Variants in CHD9 observed in about 807,000 individuals in gnomAD.
CHD9 encodes chromodomain helicase DNA binding protein 9, also known as ATP-dependent chromatin remodeler CHD9.
In CHD9, 77 loss-of-function variants were observed where a neutral mutation model predicts 316.1. The observed-to-expected ratio is 0.24, with a 90% CI of 0.20 to 0.29. The LOEUF (loss-of-function observed/expected upper bound fraction) is 0.29, where lower values mean the gene tolerates loss of function less well. Among genes scored for constraint, CHD9 ranks in the 10% least tolerant of loss-of-function variants. The pLI is 1.00. For missense variants in CHD9, 2,763 were observed against 3,438.1 expected (o/e 0.80, Z 4.91); for synonymous variants, 1,129 against 1,158.3 (o/e 0.97, Z 0.51).
intron 2 of CHD9, among the ~76,000 whole-genome samples, chr16:53,178,994 G>T (rs901955877): frequency 1.4e-4 from 22 of 151,802 alleles, no homozygotes; most frequent in Non-Finnish European, 3.1e-4. Context: ...CTGCATTCTA[G>T]CCTGGGCAAC....
chr16:53,208,042 T>C, intron 2 of CHD9: 2 of 994,704 alleles, frequency 2.0e-6, no homozygotes, highest in Non-Finnish European at 2.4e-6. Context: ...CTGTGCTTTG[T>C]TGGAATCTGG....
intron 1 of CHD9, among the ~76,000 whole-genome samples, chr16:53,152,226 G>A (rs773344063): frequency 1.3e-5 from 2 of 152,144 alleles, no homozygotes; most frequent in Non-Finnish European, 2.9e-5. Flanking sequence ...TATTACTTAG[G>A]TTTGTGTTTA....
At chr16:53,305,101 G>A (rs140648919) in intron 31 of CHD9, among the ~76,000 whole-genome samples, 60 of 151,896 alleles carry the variant, frequency 4.0e-4, no homozygotes, top group East Asian at 2.7e-3. Flanking sequence ...TCGCTCTGTC[G>A]CCCAGGCTGG....
In CHD9 at chr16:53,127,724, C is replaced by G. The variant is rs1411885114; in HGVS notation, c.-164-28202C>G. On this transcript the variant is annotated intron_variant, in intron 1 of 38. Coordinates refer to ENST00000447540, the MANE Select transcript of CHD9 (RefSeq NM_001308319.2). The stretch of plus-strand genomic sequence containing the variant: ...TCATTTGAGGTCAGGAGTTCAAGAC[C>G]AGCCTGGCCAACATGGTGAAACCCC... Among the ~76,000 whole-genome samples, 3 of 151,956 alleles carry G rather than the reference C, an allele frequency of 2.0e-5. No individual in the cohort carries two copies. The East Asian group carries it at 5.8e-4, about 29-fold the overall frequency.
At chr16:53,222,034 T>C (rs2047283804) in intron 3 of CHD9, among the ~76,000 whole-genome samples, 3 of 151,984 alleles carry the variant, frequency 2.0e-5, no homozygotes, top group African/African-American at 7.2e-5. Context: ...TTTTTTTTTT[T>C]ACCTGCTAAA....
In CHD9 at chr16:53,249,906, G is replaced by A; in HGVS notation, c.3701G>A (p.Gly1234Glu). 1 of 1,613,754 alleles carries A rather than the reference G, an allele frequency of 6.2e-7. No individual in the cohort carries two copies. The highest frequency in any genetic ancestry group is 8.5e-7 in the Non-Finnish European group (1 of 1,179,758). ...LYERIDGRVR[G>E]NLRQAAIDRF... ...GAGCGAATTGATGGCAGAGTCAGAG[G>A]AAATCTTCGGCAAGCTGCTATAGAT... The change falls in exon 17 of 39, where the codon GGA becomes GAA. Residue 1234 changes from glycine to glutamate, a missense_variant. By Grantham distance (98) the Gly-to-Glu change is moderately conservative. Around this residue, in one of 15 missense-constraint regions of CHD9, gnomAD observed 39 missense variants for 40.4 expected, o/e 0.97. Transcript: ENST00000447540.
At chr16:53,082,923 C>T (rs138840871) in intron 1 of CHD9, among the ~76,000 whole-genome samples, 1 of 152,196 alleles carries the variant, frequency 6.6e-6, no homozygotes, top group Non-Finnish European at 1.5e-5. Flanking sequence ...GAGTGCTCAC[C>T]CTGCTGAACT....
chr16:53,312,483 A>G (rs1289882343), intron 34 of CHD9, among the ~76,000 whole-genome samples: 1 of 152,202 alleles, frequency 6.6e-6, no homozygotes, highest in Non-Finnish European at 1.5e-5. Context: ...AGAAGGGGTA[A>G]AAGAAGGGCA....
intron 1 of CHD9, among the ~76,000 whole-genome samples, chr16:53,123,380 C>T (rs2038831728): frequency 6.6e-6 from 1 of 152,086 alleles, no homozygotes. Context: ...CAGTCCTAGG[C>T]AACCACTAAT....
chr16:53,126,454 T>C (rs2038972425), intron 1 of CHD9, among the ~76,000 whole-genome samples: 1 of 152,236 alleles, frequency 6.6e-6, no homozygotes, highest in African/African-American at 2.4e-5. Flanking sequence ...TTGATTATTA[T>C]ACCTTTGTAT....
chr16:53,255,901 A>G, intron 19 of CHD9, 122 bp downstream of exon 19: 1 of 879,742 alleles, frequency 1.1e-6, no homozygotes, highest in Non-Finnish European at 1.7e-6. Flanking sequence ...TGCAGTAGGT[A>G]ATGTATTTTC....
intron 2 of CHD9, among the ~76,000 whole-genome samples, chr16:53,181,161 C>T (rs1047450150): frequency 6.6e-6 from 1 of 152,092 alleles, no homozygotes; most frequent in African/African-American, 2.4e-5. Flanking sequence ...CAGGCATGTG[C>T]CACCACGCCT....
chr16:53,232,358 C>T (rs1268442465), intron 10 of CHD9, among the ~76,000 whole-genome samples: 1 of 152,062 alleles, frequency 6.6e-6, no homozygotes, highest in Non-Finnish European at 1.5e-5. Context: ...ATAAGTGATT[C>T]TCAGTCAAAG....
chr16:53,270,093 C>T (rs1424183805), intron 22 of CHD9, among the ~76,000 whole-genome samples: 1 of 151,792 alleles, frequency 6.6e-6, no homozygotes, highest in Non-Finnish European at 1.5e-5. Flanking sequence ...CAGCCTCAAA[C>T]TCCTGGGCTC....
In CHD9 at chr16:53,324,197, G is replaced by C. The variant is rs1342789343; in HGVS notation, c.7996G>C (p.Gly2666Arg). 6.2e-7 allele frequency: 1 copy of C among 1,614,020 alleles called. No homozygotes were observed. The highest frequency in any genetic ancestry group is 8.5e-7 in the Non-Finnish European group (1 of 1,179,900). Residue 2666 changes from glycine (G) to arginine (R), a missense_variant, in exon 39 of 39, where the codon GGT (glycine) becomes CGT (arginine). By Grantham distance (125) the Gly-to-Arg change is moderately radical. Coordinates refer to ENST00000447540, the MANE Select transcript of CHD9 (RefSeq NM_001308319.2). Reference protein sequence around the residue: ...NPLLANGLLPGVDLTTLQALQ... With the variant: ...NPLLANGLLPRVDLTTLQALQ... ...TTTGTTAGCCAATGGACTACTTCCA[G>C]GTGTGGATCTCACAACTCTTCAGGC...
intron 2 of CHD9, among the ~76,000 whole-genome samples, chr16:53,177,339 G>A (rs530620899): frequency 5.6e-4 from 85 of 152,246 alleles, no homozygotes; most frequent in African/African-American, 1.7e-3. Flanking sequence ...ACCCAGATTT[G>A]AGAAAAGTAG....
intron 2 of CHD9, among the ~76,000 whole-genome samples, chr16:53,172,608 A>T (rs996035014): frequency 6.6e-6 from 1 of 152,132 alleles, no homozygotes; most frequent in Non-Finnish European, 1.5e-5. Flanking sequence ...TTCTAAAGAG[A>T]TTGTACCATT....
Position 53,254,422 on chromosome 16 carries a change from CTT to C in CHD9, c.3862-13_3862-12del, listed in dbSNP as rs1262095492. 1.3e-6 allele frequency: 2 copies of C among 1,523,558 alleles called. No homozygotes were observed. Among genetic ancestry groups the C allele is most frequent in the Non-Finnish European group, 1.8e-6 (2 of 1,129,186 alleles). 94.4% of individuals were successfully genotyped at this position (1,523,558 alleles called of 1,614,324 possible). A position where few individuals can be genotyped will look rare whatever the true frequency, so the allele number is the denominator to read the frequency against. ...TTTGAGAAACTAATTAAATATGTAA[CTT>C]TTCATTTTTATAGGCCCAAGCTCGT... On this transcript the variant is annotated splice_polypyrimidine_tract_variant and intron_variant, in intron 17 of 38. Coordinates refer to ENST00000447540, the MANE Select transcript of CHD9 (RefSeq NM_001308319.2).
intron 2 of CHD9, among the ~76,000 whole-genome samples, chr16:53,181,468 C>CA (rs2043515241): frequency 6.6e-6 from 1 of 151,790 alleles, no homozygotes; most frequent in Non-Finnish European, 1.5e-5. Context: ...TATACTTAAG[C>CA]AAAAATTAGA....
Sources: gnomAD v4.1 joint callset for allele counts (sites outside exome capture counted in the v4.1 genomes callset) on GRCh38, gnomAD v4.1.1 for gene constraint, gnomAD v4.1.1 regional missense constraint, MANE v1.5 for transcripts, NCBI Gene and HGNC (gene_info 2026-07-23, HGNC 2026-07-21) for gene names.